CNTNAP2: variants seen among roughly 807,000 people sequenced by gnomAD.
CNTNAP2 encodes contactin-associated protein-like 2.
A neutral mutation model predicts 155.2 loss-of-function variants in CNTNAP2; 98 were observed. The ratio of observed to expected loss-of-function variants is 0.63; its 90% CI spans 0.54 to 0.75. The LOEUF is 0.75. Ranked by LOEUF, CNTNAP2 falls within the 30% of genes least tolerant of loss-of-function variation. The pLI, the probability that CNTNAP2 is intolerant of heterozygous loss-of-function variation, is 0.00. For missense variants in CNTNAP2, 1,727 were observed against 1,688.1 expected, an observed-to-expected ratio of 1.02 and a Z score of -0.40; for synonymous variants, 651 against 631.2, an observed-to-expected ratio of 1.03 and a Z score of -0.47.
At chr7:146,370,260 TAAAAAAAAAAAAA>T (rs34996621) in intron 1 of CNTNAP2, among the ~76,000 whole-genome samples, 6 of 87,604 alleles carry the variant, frequency 6.8e-5, no homozygotes, top group Admixed American at 1.3e-4. Flanking sequence ...ATCTCTACTT[TAAAAAAAAAAAAA>T]AAAAAAAAAA....
intron 12 of CNTNAP2, among the ~76,000 whole-genome samples, chr7:147,599,158 G>T (rs907523652): frequency 2.0e-5 from 3 of 151,994 alleles, no homozygotes; most frequent in Non-Finnish European, 4.4e-5. Context: ...CGCTTCCATG[G>T]TGTGTAAAGT....
At chr7:148,245,185 C>T (rs1488237545) in intron 20 of CNTNAP2, among the ~76,000 whole-genome samples, 1 of 152,058 alleles carries the variant, frequency 6.6e-6, no homozygotes, top group Non-Finnish European at 1.5e-5. Flanking sequence ...GCAAAGGATA[C>T]AGGTTGGCAC....
At chr7:146,593,186 A>G (rs1191613480) in intron 1 of CNTNAP2, among the ~76,000 whole-genome samples, 3 of 151,318 alleles carry the variant, frequency 2.0e-5, no homozygotes, top group Non-Finnish European at 4.4e-5. Flanking sequence ...ATTATTATTT[A>G]TCCCTGACTG....
intron 8 of CNTNAP2, among the ~76,000 whole-genome samples, chr7:147,163,616 A>G (rs1802068244): frequency 1.4e-5 from 2 of 144,338 alleles, no homozygotes; most frequent in Non-Finnish European, 3.0e-5. Context: ...TTATATGGCT[A>G]TCTTATTATT....
intron 1 of CNTNAP2, among the ~76,000 whole-genome samples, chr7:146,767,099 T>G (rs1802208902): frequency 6.6e-6 from 1 of 152,196 alleles, no homozygotes; most frequent in South Asian, 2.1e-4. Context: ...AAACTAATTG[T>G]ACTTCTCTTC....
chr7:146,397,372 T>C (rs1795645333), intron 1 of CNTNAP2, among the ~76,000 whole-genome samples: 1 of 152,218 alleles, frequency 6.6e-6, no homozygotes, highest in Non-Finnish European at 1.5e-5. Flanking sequence ...TTACATGCCA[T>C]TCAGGAGGCT....
At chr7:147,590,490 C>T (rs545830394) in intron 12 of CNTNAP2, among the ~76,000 whole-genome samples, 2 of 152,282 alleles carry the variant, frequency 1.3e-5, no homozygotes, top group South Asian at 2.1e-4. Context: ...GAAGAGGTGC[C>T]TTCCGCCATG....
At chr7:147,859,612 T>TCC (rs929675240) in intron 13 of CNTNAP2, among the ~76,000 whole-genome samples, 3 of 152,198 alleles carry the variant, frequency 2.0e-5, no homozygotes, top group Non-Finnish European at 4.4e-5. Flanking sequence ...TCAGATATTA[T>TCC]CTTGCTATCA....
chr7:147,882,872 A>G (rs951605892), intron 13 of CNTNAP2, among the ~76,000 whole-genome samples: 2 of 152,260 alleles, frequency 1.3e-5, no homozygotes, highest in African/African-American at 2.4e-5. Flanking sequence ...AATAAAAAGT[A>G]TAATAGAAAA....
intron 13 of CNTNAP2, among the ~76,000 whole-genome samples, chr7:147,726,072 C>T (rs545582393): frequency 1.7e-3 from 262 of 151,802 alleles, no homozygotes; most frequent in Non-Finnish European, 3.3e-3. Flanking sequence ...AACAGTATGG[C>T]GATAGAGAAT....
At chr7:147,153,194 C>T (rs1285543483) in intron 8 of CNTNAP2, among the ~76,000 whole-genome samples, 1 of 152,094 alleles carries the variant, frequency 6.6e-6, no homozygotes, top group African/African-American at 2.4e-5. Flanking sequence ...ATTTACTAAA[C>T]ATTTTCTCTA....
chr7:146,337,419 A>G (rs1357944199), intron 1 of CNTNAP2, among the ~76,000 whole-genome samples: 1 of 152,122 alleles, frequency 6.6e-6, no homozygotes, highest in African/African-American at 2.4e-5. Flanking sequence ...CATTCAAATC[A>G]TGTTTAATTA....
chr7:146,796,453 C>T (rs1041470453), intron 2 of CNTNAP2, among the ~76,000 whole-genome samples: 25 of 151,916 alleles, frequency 1.6e-4, no homozygotes, highest in Admixed American at 1.4e-3. Context: ...CATCTTGATG[C>T]GGAAACTGAA....
intron 1 of CNTNAP2, among the ~76,000 whole-genome samples, chr7:146,653,236 A>T (rs1799945432): frequency 6.6e-6 from 1 of 152,110 alleles, no homozygotes; most frequent in Non-Finnish European, 1.5e-5. Context: ...CCAGCTCCTG[A>T]TTCCAGATGA....
rs200018437 is a variant in CNTNAP2, at chr7:147,346,138, AT to A, written c.1498+45852del. On this transcript the variant is annotated intron_variant, in intron 9 of 23. Transcript: ENST00000361727. ...GTCCCATAATCGAAGATTTTATTTT[AT>A]TTTATTTTATTTTATTTTTTTTTTT... Among the ~76,000 whole-genome samples the A allele has an allele frequency of 2.4e-3, 124 of 50,782 alleles. 4 individuals are homozygous for A. The highest frequency in any genetic ancestry group is 0.012 in the African/African-American group (88 of 7,080). The allele number at this position is 50,782 out of a possible 152,430, so 33.3% of individuals were successfully genotyped here. A position where few individuals can be genotyped will look rare whatever the true frequency, so the allele number is the denominator to read the frequency against.
intron 14 of CNTNAP2, among the ~76,000 whole-genome samples, chr7:147,973,443 C>T (rs563781934): frequency 1.3e-5 from 2 of 152,248 alleles, no homozygotes; most frequent in Admixed American, 6.5e-5. Context: ...TAAGGAATAT[C>T]TGAGTGTTAT....
rs190396679 is a variant in CNTNAP2, at chr7:147,514,534, A to G, written c.1777+28493A>G. On this transcript the variant is annotated intron_variant, in intron 11 of 23. Coordinates refer to ENST00000361727, the MANE Select transcript of CNTNAP2 (RefSeq NM_014141.6). ...ACAAAGTAACAGAATAAACCTAGGC[A>G]CATGCCCAAGGGAATGAAGTTTAAT... Among the ~76,000 whole-genome samples the G allele has an allele frequency of 3.9e-5, 6 of 152,154 alleles. No individual in the cohort carries two copies. The East Asian group carries it at 1.2e-3, about 29-fold the overall frequency.
intron 8 of CNTNAP2, among the ~76,000 whole-genome samples, chr7:147,184,077 A>G (rs1339656106): frequency 6.6e-6 from 1 of 152,214 alleles, no homozygotes; most frequent in Admixed American, 6.5e-5. Context: ...TAGAAGAAAG[A>G]GTGACTATAC....
intron 14 of CNTNAP2, among the ~76,000 whole-genome samples, chr7:147,907,799 T>G (rs191872437): frequency 1.0e-3 from 149 of 144,012 alleles, no homozygotes; most frequent in African/African-American, 3.6e-3. Flanking sequence ...ATTTATTTAT[T>G]TTGACACAGA....
Sources: allele counts gnomAD v4.1 joint callset (sites outside exome capture counted in the v4.1 genomes callset), GRCh38; gene constraint gnomAD v4.1.1; transcripts MANE v1.5; gene names NCBI Gene and HGNC (gene_info 2026-07-23, HGNC 2026-07-21).